RAB8B: variants seen among roughly 807,000 people sequenced by gnomAD.
The protein encoded by RAB8B is RAB8B, member RAS oncogene family, also known as ras-related protein Rab-8B.
A neutral mutation model predicts 32.0 loss-of-function variants in RAB8B; 11 were observed. The observed-to-expected ratio is 0.34, with a 90% CI of 0.22 to 0.57. The LOEUF (loss-of-function observed/expected upper bound fraction) is 0.57, where lower values mean the gene tolerates loss of function less well. Ranked by LOEUF, RAB8B falls within the 20% of genes least tolerant of loss-of-function variation. The pLI, the probability that RAB8B is intolerant of heterozygous loss-of-function variation, is 0.86. For missense variants in RAB8B, 190 were observed against 258.5 expected, an observed-to-expected ratio of 0.73 and a Z score of 1.82; for synonymous variants, 103 against 89.6, an observed-to-expected ratio of 1.15 and a Z score of -0.85.
At chr15:63,244,640 G>A in intron 1 of RAB8B, 116 bp from the exon 2 acceptor site, 1 of 753,506 alleles carries the variant, frequency 1.3e-6, no homozygotes, top group Admixed American at 2.9e-5. Flanking sequence ...CCCTCTCTGT[G>A]TTCACATTTT....
intron 1 of RAB8B, among the ~76,000 whole-genome samples, chr15:63,226,702 A>T (rs980120898): frequency 5.9e-5 from 9 of 152,224 alleles, no homozygotes; most frequent in Non-Finnish European, 8.8e-5. Flanking sequence ...TTTGTGTTAC[A>T]GGAAAGGGGT....
Position 63,244,788 on chromosome 15 carries a change from G to C in RAB8B, c.157G>C (p.Asp53His), listed in dbSNP as rs1224846713. ...IDFKIRTIEL[D>H]GKKIKLQIWD... ...TTTTAAAATTAGAACGATAGAACTA[G>C]ATGGAAAGAAAATTAAGCTTCAGAT... Residue 53 changes from aspartate to histidine, a missense_variant, in exon 2 of 8, where the codon GAT becomes CAT. By Grantham distance (81) the Asp-to-His change is moderately conservative. Around this residue, in one of 2 missense-constraint regions of RAB8B, gnomAD observed 80 missense variants for 142.6 expected, o/e 0.56. Transcript: ENST00000321437. The C allele has an allele frequency of 1.3e-6, 2 of 1,583,510 alleles. No individual in the cohort carries two copies. Among genetic ancestry groups the C allele is most frequent in the Non-Finnish European group, 1.7e-6 (2 of 1,155,582 alleles).
intron 1 of RAB8B, among the ~76,000 whole-genome samples, chr15:63,214,419 G>A (rs1334143603): frequency 6.6e-6 from 1 of 151,172 alleles, no homozygotes; most frequent in East Asian, 2.0e-4. Flanking sequence ...AGCCTCCCGG[G>A]TAGCTGGGAT....
intron 1 of RAB8B, among the ~76,000 whole-genome samples, chr15:63,229,774 C>A (rs2037919763): frequency 1.4e-5 from 1 of 72,524 alleles, no homozygotes; most frequent in East Asian, 5.6e-4. Context: ...GAGCAAGACG[C>A]TGTTTCAAAA....
chr15:63,210,691 G>A (rs1281114620), intron 1 of RAB8B, among the ~76,000 whole-genome samples: 4 of 152,234 alleles, frequency 2.6e-5, no homozygotes, highest in Non-Finnish European at 5.9e-5. Flanking sequence ...TAGGAAGTAT[G>A]TGCCGTGGCC....
chr15:63,255,649 T>A, intron 4 of RAB8B, 65 bp downstream of exon 4: 32 of 1,352,328 alleles, frequency 2.4e-5, no homozygotes, highest in Non-Finnish European at 3.2e-5. Context: ...AAAAGGCTCC[T>A]CTGTCTGCAA....
intron 1 of RAB8B, among the ~76,000 whole-genome samples, chr15:63,220,728 T>A (rs951997070): frequency 3.3e-5 from 5 of 152,216 alleles, no homozygotes; most frequent in African/African-American, 1.2e-4. Flanking sequence ...CCAAAGTAAT[T>A]GATCAGTGTC....
rs780737662 is a variant in RAB8B at position 63,262,660 on chromosome 15, A to G, written c.481-32A>G. ...ATATATACATATATATAGTGAATAT[A>G]TAATAATGAAAATGTTTTGTTTTAC... On this transcript the variant is annotated intron_variant, in intron 6 of 7. Transcript: ENST00000321437. 4.8e-5 allele frequency: 44 copies of G among 923,964 alleles called. 1 individual carries two copies. The highest frequency in any genetic ancestry group is 3.1e-4 in the Middle Eastern group (1 of 3,232). 57.2% of individuals were successfully genotyped at this position (923,964 alleles called of 1,614,324 possible). A position where few individuals can be genotyped will look rare whatever the true frequency, so the allele number is the denominator to read the frequency against.
intron 1 of RAB8B, among the ~76,000 whole-genome samples, chr15:63,205,042 A>T (rs953916216): frequency 6.6e-6 from 1 of 152,194 alleles, no homozygotes; most frequent in East Asian, 1.9e-4. Context: ...TCATGCCTGT[A>T]TTCCCAGCAC....
At position 63,259,555 on chromosome 15, in the gene RAB8B, C is replaced by G; in HGVS notation, c.415-72C>G. On this transcript the variant is annotated intron_variant, in intron 5 of 7. Transcript: ENST00000321437. This position sits in a 1 kb window ranked among gnomAD's most constrained non-coding sequence, Gnocchi z 4.4. Reference sequence around the variant, plus strand: ...ACCCTACCTTTGAGACTTTGAAAAACCTAAGAAATACAAATGCATTATGTG... The same window carrying G: ...ACCCTACCTTTGAGACTTTGAAAAAGCTAAGAAATACAAATGCATTATGTG... 1 of 1,368,718 alleles carries G rather than the reference C, an allele frequency of 7.3e-7. No individual in the cohort carries two copies. Among genetic ancestry groups the G allele is most frequent in the Non-Finnish European group, 1.0e-6 (1 of 970,376 alleles). The allele number at this position is 1,368,718 out of a possible 1,614,324, so 84.8% of individuals were successfully genotyped here.
intron 1 of RAB8B, among the ~76,000 whole-genome samples, chr15:63,222,046 C>G (rs1380457658): frequency 6.6e-6 from 1 of 152,214 alleles, no homozygotes; most frequent in African/African-American, 2.4e-5. Context: ...GGTCAGCTAG[C>G]TTCAGACTGG....
chr15:63,246,956 A>C (rs1176311105), intron 2 of RAB8B, among the ~76,000 whole-genome samples: 1 of 152,162 alleles, frequency 6.6e-6, no homozygotes, highest in African/African-American at 2.4e-5. Flanking sequence ...GAGACCAAAT[A>C]TGTTTCTTAT....
intron 1 of RAB8B, among the ~76,000 whole-genome samples, chr15:63,199,173 T>C (rs1046182444): frequency 3.3e-5 from 5 of 152,228 alleles, no homozygotes; most frequent in African/African-American, 1.2e-4. Flanking sequence ...AGAGAGGGGA[T>C]TGGGTTGGGA....
chr15:63,223,860 T>C (rs566480624), intron 1 of RAB8B: 2 of 435,398 alleles, frequency 4.6e-6, no homozygotes, highest in African/African-American at 2.0e-5. Context: ...CGGCCTCACA[T>C]AGAGGAATAA....
Position 63,266,426 on chromosome 15 carries a change from G to A in RAB8B, c.*2807G>A, listed in dbSNP as rs2038248483. On this transcript the variant is annotated 3_prime_UTR_variant, in exon 8 of 8. Transcript: ENST00000321437. Reference sequence around the variant, plus strand: ...TAATCTACCTGTGCATCAGTTAGTAGGTGCTGCAGGGTTTCTTACTATTTA... The same window carrying A: ...TAATCTACCTGTGCATCAGTTAGTAAGTGCTGCAGGGTTTCTTACTATTTA... 6.6e-6 allele frequency: 1 copy of A among 152,550 alleles called. No homozygotes were observed. Among genetic ancestry groups the A allele is most frequent in the African/African-American group, 2.4e-5 (1 of 41,436 alleles). 9.4% of individuals were successfully genotyped at this position (152,550 alleles called of 1,614,324 possible).
At chr15:63,195,796 G>A (rs963001466) in intron 1 of RAB8B, among the ~76,000 whole-genome samples, 1 of 152,228 alleles carries the variant, frequency 6.6e-6, no homozygotes, top group South Asian at 2.1e-4. Flanking sequence ...AGGGTTGGGG[G>A]TGAGGATGGG....
chr15:63,223,117 T>C (rs199950467), intron 1 of RAB8B: 2 of 433,756 alleles, frequency 4.6e-6, no homozygotes, highest in African/African-American at 4.6e-5. Flanking sequence ...TTACTTATTT[T>C]TTGTTATTTT....
At chr15:63,240,287 TC>T (rs1242347917) in intron 1 of RAB8B, among the ~76,000 whole-genome samples, 1 of 152,188 alleles carries the variant, frequency 6.6e-6, no homozygotes, top group Non-Finnish European at 1.5e-5. Context: ...TTACAAATAA[TC>T]CATGCATGAA....
chr15:63,263,520 T>A lies in RAB8B; in HGVS notation c.532-7T>A. ...TTTCCTTGGTAACTTCATCTTCTAT[T>A]TTTTAGAATGACAGCAATTCAGCAG... On this transcript the variant is annotated splice_polypyrimidine_tract_variant and splice_region_variant and intron_variant, in intron 7 of 7. Coordinates refer to ENST00000321437, the MANE Select transcript of RAB8B (RefSeq NM_016530.3). The A allele has an allele frequency of 6.2e-7, 1 of 1,602,578 alleles. No individual in the cohort carries two copies. The highest frequency in any genetic ancestry group is 8.5e-7 in the Non-Finnish European group (1 of 1,169,666).
Sources: allele counts gnomAD v4.1 joint callset (sites outside exome capture counted in the v4.1 genomes callset), GRCh38; gene constraint gnomAD v4.1.1; regional missense constraint gnomAD v4.1.1; non-coding constraint Gnocchi (gnomAD v3.1); transcripts MANE v1.5; gene names NCBI Gene and HGNC (gene_info 2026-07-23, HGNC 2026-07-21).